MAPKAP1: variants seen among roughly 807,000 people sequenced by gnomAD.
MAPKAP1 encodes target of rapamycin complex 2 subunit MAPKAP1.
Under a neutral mutation model 65.7 loss-of-function variants are expected in MAPKAP1, and 20 were observed. The ratio of observed to expected loss-of-function variants is 0.30; its 90% confidence interval spans 0.21 to 0.44. MAPKAP1 has a LOEUF of 0.44. Ranked by LOEUF, MAPKAP1 falls within the 20% of genes least tolerant of loss-of-function variation. The pLI is 1.00. For missense variants in MAPKAP1, 423 were observed against 648.0 expected (o/e 0.65, Z 3.77); for synonymous variants, 222 against 244.3 (o/e 0.91, Z 0.85).
chr9:125,456,721 G>T (rs1040519552), intron 10 of MAPKAP1, among the ~76,000 whole-genome samples: 1 of 152,176 alleles, frequency 6.6e-6, no homozygotes, highest in Non-Finnish European at 1.5e-5. Flanking sequence ...AACTCTGCCA[G>T]CAACGACTCA....
chr9:125,551,596 T>G (rs961514728), intron 6 of MAPKAP1, among the ~76,000 whole-genome samples: 7 of 152,156 alleles, frequency 4.6e-5, no homozygotes, highest in African/African-American at 1.7e-4. Context: ...GGAGACAGTT[T>G]AACTGCTCTG....
At chr9:125,542,844 T>C (rs556309017) in intron 7 of MAPKAP1, 5 of 704,048 alleles carry the variant, frequency 7.1e-6, no homozygotes, top group African/African-American at 1.7e-5. Context: ...ACAATTGATA[T>C]GAATACATTC....
chr9:125,505,597 G>C (rs572392742), intron 8 of MAPKAP1, among the ~76,000 whole-genome samples: 19 of 152,260 alleles, frequency 1.2e-4, no homozygotes, highest in African/African-American at 4.3e-4. Context: ...AGCAATGGGG[G>C]ACAGGAAGAT....
chr9:125,465,056 T>C (rs1189068673), intron 10 of MAPKAP1, among the ~76,000 whole-genome samples: 1 of 152,272 alleles, frequency 6.6e-6, no homozygotes. Flanking sequence ...TTTAATAACA[T>C]GTCTGCTCTG....
chr9:125,630,515 G>A (rs1304468001), intron 4 of MAPKAP1, among the ~76,000 whole-genome samples: 2 of 152,036 alleles, frequency 1.3e-5, no homozygotes, highest in Admixed American at 1.3e-4. Context: ...CACTATCTCT[G>A]GCCTTCACAT....
At position 125,460,355 on chromosome 9, in the gene MAPKAP1, A is replaced by G. The variant is rs527913898; in HGVS notation, c.1345+7617T>C. ...CTCAAAATGTTTTCTACTCTAACAA[A>G]TATCAATATTCCAATCAACACAAAT... On this transcript the variant is annotated intron_variant, in intron 10 of 11. Coordinates refer to ENST00000265960, the MANE Select transcript of MAPKAP1 (RefSeq NM_001006617.3). Among the ~76,000 whole-genome samples the G allele has an allele frequency of 3.9e-5, 6 of 152,334 alleles. No homozygotes were observed. The East Asian group carries it at 1.2e-3, about 29-fold the overall frequency.
intron 1 of MAPKAP1, 21 bp from the exon 2 acceptor site, chr9:125,672,664 G>A: frequency 1.4e-6 from 2 of 1,415,616 alleles, no homozygotes; most frequent in South Asian, 1.3e-5. Context: ...GATGTACACA[G>A]CAAATATTTA....
intron 5 of MAPKAP1, among the ~76,000 whole-genome samples, chr9:125,566,644 G>A (rs144103511): frequency 9.4e-4 from 143 of 152,164 alleles, no homozygotes; most frequent in African/African-American, 1.2e-3. Context: ...AGTAATCTCC[G>A]CCTTCATTAC....
chr9:125,689,924 T>TA (rs1015722442), intron 1 of MAPKAP1, among the ~76,000 whole-genome samples: 2 of 151,150 alleles, frequency 1.3e-5, no homozygotes, highest in African/African-American at 4.9e-5. Flanking sequence ...CCATCTCTAC[T>TA]AAAAAAATAC....
intron 7 of MAPKAP1, among the ~76,000 whole-genome samples, chr9:125,512,202 T>C (rs1480843046): frequency 6.6e-6 from 1 of 152,172 alleles, no homozygotes; most frequent in Non-Finnish European, 1.5e-5. Context: ...AAAGCTGAAA[T>C]CCAATGGAAA....
intron 5 of MAPKAP1, among the ~76,000 whole-genome samples, chr9:125,562,425 A>G (rs991372931): frequency 2.6e-5 from 4 of 152,260 alleles, no homozygotes; most frequent in Non-Finnish European, 5.9e-5. Flanking sequence ...ATATTATACA[A>G]GATGAATAGA....
chr9:125,676,539 A>G (rs1190146839), intron 1 of MAPKAP1, among the ~76,000 whole-genome samples: 1 of 28,786 alleles, frequency 3.5e-5, no homozygotes, highest in Non-Finnish European at 2.8e-4. Context: ...CAAGTACCGT[A>G]TGATTCCATT....
chr9:125,540,947 A>G (rs1186573002), intron 7 of MAPKAP1, among the ~76,000 whole-genome samples: 1 of 152,212 alleles, frequency 6.6e-6, no homozygotes, highest in African/African-American at 2.4e-5. Context: ...ACCTTAAACA[A>G]ATATCTTTAC....
intron 4 of MAPKAP1, among the ~76,000 whole-genome samples, chr9:125,635,715 T>G (rs1833403987): frequency 6.6e-6 from 1 of 152,238 alleles, no homozygotes; most frequent in Admixed American, 6.5e-5. Context: ...GATGTAAAGA[T>G]GATTTTGCAT....
intron 10 of MAPKAP1, among the ~76,000 whole-genome samples, chr9:125,452,162 G>A (rs190562676): frequency 1.5e-4 from 22 of 151,592 alleles, no homozygotes; most frequent in African/African-American, 4.4e-4. Flanking sequence ...GCAGTGCTGC[G>A]ATCTGGGCTC....
intron 10 of MAPKAP1, among the ~76,000 whole-genome samples, chr9:125,446,744 C>T (rs973508419): frequency 6.6e-6 from 1 of 152,136 alleles, no homozygotes; most frequent in Non-Finnish European, 1.5e-5. Context: ...CCCGAAGCTT[C>T]GGGGTTCACT....
chr9:125,528,649 C>A (rs1270657907), intron 7 of MAPKAP1, among the ~76,000 whole-genome samples: 1 of 149,656 alleles, frequency 6.7e-6, no homozygotes, highest in Non-Finnish European at 1.5e-5. Context: ...GAGTTCGAGA[C>A]CAGCCTGGCC....
rs1564622643 is a variant in MAPKAP1 at position 125,698,331 on chromosome 9, ATATAT to A, written c.-70+8635_-70+8639del. On this transcript the variant is annotated intron_variant, in intron 1 of 11. Coordinates refer to ENST00000265960, the MANE Select transcript of MAPKAP1 (RefSeq NM_001006617.3). The stretch of plus-strand genomic sequence containing the variant: ...TATATATATATATATATATATATAT[ATATAT>A]AAAATATATATATTTTTTGAGATGG... Among the ~76,000 whole-genome samples the A allele has an allele frequency of 1.0e-4, 11 of 104,944 alleles. No homozygotes were observed. In the East Asian group the frequency reaches 2.5e-3, roughly 24 times the overall value. 68.8% of individuals were successfully genotyped at this position (104,944 alleles called of 152,430 possible).
At chr9:125,453,905 T>C (rs1028197441) in intron 10 of MAPKAP1, among the ~76,000 whole-genome samples, 11 of 152,248 alleles carry the variant, frequency 7.2e-5, no homozygotes, top group Admixed American at 3.9e-4. Flanking sequence ...ACCTGAAAGT[T>C]TGAACTTCAT....
Sources: allele counts gnomAD v4.1 joint callset (sites outside exome capture counted in the v4.1 genomes callset), GRCh38; gene constraint gnomAD v4.1.1; transcripts MANE v1.5; gene names NCBI Gene and HGNC (gene_info 2026-07-23, HGNC 2026-07-21).